The following MYO1E variants were observed in gnomAD, a reference collection of about 807,000 sequenced individuals.
The protein encoded by MYO1E is unconventional myosin-Ie.
A neutral mutation model predicts 151.1 loss-of-function variants in MYO1E; 68 were observed. That is an observed-to-expected ratio of 0.45 (90% confidence interval 0.37 to 0.55). The LOEUF is 0.55. MYO1E is among the 20% of genes least tolerant of loss of function. MYO1E has a pLI of 0.00. For synonymous variants in MYO1E, 601 were observed against 501.7 expected (o/e 1.20, Z -2.64); for missense variants, 1,363 against 1,389.3 (o/e 0.98, Z 0.30).
intron 24 of MYO1E, among the ~76,000 whole-genome samples, chr15:59,160,284 A>T (rs2079530045): frequency 1.3e-5 from 2 of 152,030 alleles, no homozygotes; most frequent in Non-Finnish European, 2.9e-5. Flanking sequence ...TATCAATTAT[A>T]AATACAAAAA....
chr15:59,184,510 G>A (rs1327703232), intron 18 of MYO1E, among the ~76,000 whole-genome samples: 1 of 151,686 alleles, frequency 6.6e-6, no homozygotes, highest in East Asian at 1.9e-4. Context: ...ACAGGCATGG[G>A]ACACCACACT....
chr15:59,268,689 C>A (rs1336446001), intron 2 of MYO1E, among the ~76,000 whole-genome samples: 1 of 115,622 alleles, frequency 8.6e-6, no homozygotes, highest in African/African-American at 3.0e-5. Context: ...TAAGAACTAA[C>A]CTTTGGTGAT....
chr15:59,236,532 C>A (rs891327177), intron 5 of MYO1E, 53 bp downstream of exon 5: 1 of 1,450,078 alleles, frequency 6.9e-7, no homozygotes, highest in Non-Finnish European at 9.7e-7. Context: ...GCAAATGGAG[C>A]CTCTTACATT....
At chr15:59,272,840 T>C (rs1173174561) in intron 1 of MYO1E, among the ~76,000 whole-genome samples, 1 of 152,234 alleles carries the variant, frequency 6.6e-6, no homozygotes, top group African/African-American at 2.4e-5. Flanking sequence ...CCTTCAACCA[T>C]ACTGTTGTGT....
intron 24 of MYO1E, among the ~76,000 whole-genome samples, chr15:59,160,376 T>C (rs905048855): frequency 3.4e-5 from 5 of 145,444 alleles, no homozygotes; most frequent in African/African-American, 1.1e-4. Context: ...TGTGTGTGTG[T>C]GTGTATGGTG....
Position 59,250,020 on chromosome 15 carries a change from G to A in MYO1E, c.332+6264C>T, listed in dbSNP as rs1044334797. ...TGAGGCGTGCTGCCCAGGGTCAGGT[G>A]AGCATGAACCACGGCATGCCAGAGG... On this transcript the variant is annotated intron_variant, in intron 4 of 27. Coordinates refer to ENST00000288235, the MANE Select transcript of MYO1E (RefSeq NM_004998.4). Among the ~76,000 whole-genome samples, 10 of 152,304 alleles carry A rather than the reference G, an allele frequency of 6.6e-5. 1 individual carries two copies. Among genetic ancestry groups the A allele is most frequent in the Admixed American group, 5.9e-4 (9 of 15,296 alleles).
intron 4 of MYO1E, among the ~76,000 whole-genome samples, chr15:59,246,062 C>A (rs1324522379): frequency 6.6e-6 from 1 of 152,054 alleles, no homozygotes; most frequent in African/African-American, 2.4e-5. Context: ...CTCACAGGTA[C>A]CTACCAAGCC....
intron 27 of MYO1E, 113 bp downstream of exon 27, chr15:59,138,085 C>T: frequency 7.5e-7 from 1 of 1,334,420 alleles, no homozygotes; most frequent in Non-Finnish European, 1.1e-6. Context: ...CCTGCCTCTA[C>T]AAATTGCAGT....
chr15:59,205,539 A>C, intron 14 of MYO1E, 54 bp from the exon 15 acceptor site: 1 of 1,481,522 alleles, frequency 6.7e-7, no homozygotes. Context: ...TAATTAATTG[A>C]ACAAAATCAT....
chr15:59,197,397 G>C (rs2079774305), intron 16 of MYO1E, among the ~76,000 whole-genome samples: 1 of 152,208 alleles, frequency 6.6e-6, no homozygotes, highest in African/African-American at 2.4e-5. Context: ...AGAGAGGCAA[G>C]TGTAACTTAA....
chr15:59,301,180 T>C (rs745791042), intron 1 of MYO1E, among the ~76,000 whole-genome samples: 2 of 152,206 alleles, frequency 1.3e-5, no homozygotes, highest in Non-Finnish European at 2.9e-5. Context: ...CCTTTTTAAA[T>C]TTTATCAGTG....
chr15:59,196,984 G>C (rs1454361201), intron 16 of MYO1E, among the ~76,000 whole-genome samples: 2 of 49,674 alleles, frequency 4.0e-5, no homozygotes, highest in Admixed American at 2.9e-4. Flanking sequence ...ATTTAATTAC[G>C]ACTTTTTTTT....
chr15:59,232,639 A>C (rs968651290), intron 5 of MYO1E, among the ~76,000 whole-genome samples: 1 of 152,198 alleles, frequency 6.6e-6, no homozygotes, highest in African/African-American at 2.4e-5. Context: ...ATGGTTAAAC[A>C]TGTTCCAGAA....
chr15:59,255,650 T>G (rs912915264), intron 4 of MYO1E, among the ~76,000 whole-genome samples: 1 of 152,152 alleles, frequency 6.6e-6, no homozygotes, highest in Non-Finnish European at 1.5e-5. Flanking sequence ...AGAAGAAGAA[T>G]TGTCTTGGGC....
chr15:59,207,192 C>G, intron 14 of MYO1E: 1 of 1,614,190 alleles, frequency 6.2e-7, no homozygotes, highest in Non-Finnish European at 8.5e-7. Flanking sequence ...GCATGGCCTG[C>G]GCTATCAGCA....
intron 1 of MYO1E, among the ~76,000 whole-genome samples, chr15:59,349,136 GACACCCA>G (rs1403401302): frequency 1.1e-4 from 16 of 152,194 alleles, no homozygotes; most frequent in South Asian, 4.2e-4. Context: ...ATGATGGAAG[GACACCCA>G]GGCAAGGGGA....
At chr15:59,231,895 G>C in intron 5 of MYO1E, 104 bp from the exon 6 acceptor site, 1 of 1,219,558 alleles carries the variant, frequency 8.2e-7, no homozygotes. Context: ...ATTAAGGTGA[G>C]GGGCCCCACA....
At chr15:59,317,601 T>A (rs1353674328) in intron 1 of MYO1E, among the ~76,000 whole-genome samples, 1 of 151,900 alleles carries the variant, frequency 6.6e-6, no homozygotes, top group Non-Finnish European at 1.5e-5. Context: ...ATAGTTTCAG[T>A]TTCAGGACTG....
At chr15:59,301,681 T>C (rs1237432787) in intron 1 of MYO1E, among the ~76,000 whole-genome samples, 1 of 152,230 alleles carries the variant, frequency 6.6e-6, no homozygotes, top group Non-Finnish European at 1.5e-5. Context: ...TGCCATGACC[T>C]GGCAGAGAGA....
Sources: gnomAD v4.1 joint callset for allele counts (sites outside exome capture counted in the v4.1 genomes callset) on GRCh38, gnomAD v4.1.1 for gene constraint, MANE v1.5 for transcripts, NCBI Gene and HGNC (gene_info 2026-07-23, HGNC 2026-07-21) for gene names.